Variants in PDGFRL observed in about 807,000 individuals in gnomAD.
PDGFRL encodes the protein platelet derived growth factor receptor like.
A neutral mutation model predicts 37.2 loss-of-function variants in PDGFRL; 46 were observed. The ratio of observed to expected loss-of-function variants is 1.24; its 90% CI spans 0.98 to 1.58. The LOEUF is 1.58. PDGFRL is among the 40% of genes most tolerant of loss of function. The probability of loss-of-function intolerance (pLI) is 0.00; values close to 1 mark genes in which losing one functional copy is unlikely to be tolerated. For synonymous variants in PDGFRL, 251 were observed against 184.3 expected (o/e 1.36, Z -2.93); for missense variants, 692 against 467.6 (o/e 1.48, Z -4.43).
At chr8:17,627,647 T>A (rs1420266304) in intron 3 of PDGFRL, among the ~76,000 whole-genome samples, 1 of 144,860 alleles carries the variant, frequency 6.9e-6, no homozygotes, top group East Asian at 2.0e-4. Flanking sequence ...TTTTTTTTTT[T>A]TTATTTTTAG....
At position 17,578,762 on chromosome 8, in the gene PDGFRL, G is replaced by T. The variant is rs369730560; in HGVS notation, c.55+1455G>T. Among the ~76,000 whole-genome samples the T allele has an allele frequency of 1.8e-3, 280 of 152,228 alleles. 1 individual carries two copies. Among genetic ancestry groups the T allele is most frequent in the African/African-American group, 6.1e-3 (252 of 41,542 alleles). ...CCATGTGAGTTTATTACAAACATCTGACTAAATTTACCCTTTCTTTAAGTG... is the reference window on the plus strand; with the variant it reads ...CCATGTGAGTTTATTACAAACATCTTACTAAATTTACCCTTTCTTTAAGTG... On this transcript the variant is annotated intron_variant, in intron 1 of 5. Coordinates refer to ENST00000251630, the MANE Select transcript of PDGFRL (RefSeq NM_001372073.1).
chr8:17,596,827 G>A (rs1434518955), intron 2 of PDGFRL, among the ~76,000 whole-genome samples: 1 of 152,206 alleles, frequency 6.6e-6, no homozygotes, highest in Non-Finnish European at 1.5e-5. Flanking sequence ...CCTCAAGGGG[G>A]CACGATGTAT....
chr8:17,591,925 C>G (rs1444046920), intron 2 of PDGFRL, among the ~76,000 whole-genome samples: 2 of 152,086 alleles, frequency 1.3e-5, no homozygotes, highest in Admixed American at 1.3e-4. Flanking sequence ...AAAAAAGAAA[C>G]AAAGAAAGAA....
chr8:17,578,205 C>T (rs996366311), intron 1 of PDGFRL, among the ~76,000 whole-genome samples: 1 of 152,154 alleles, frequency 6.6e-6, no homozygotes, highest in Non-Finnish European at 1.5e-5. Context: ...TCTTGAAATT[C>T]CTGGGCTACA....
intron 2 of PDGFRL, among the ~76,000 whole-genome samples, chr8:17,597,263 C>T (rs188781670): frequency 1.6e-4 from 24 of 152,318 alleles, no homozygotes; most frequent in Non-Finnish European, 2.6e-4. Context: ...TCAAGTGATC[C>T]GTCCACCTTG....
rs137874853 is a variant in PDGFRL at position 17,594,327 on chromosome 8, G to A, written c.353+4562G>A. Among the ~76,000 whole-genome samples the A allele has an allele frequency of 5.3e-3, 810 of 151,424 alleles. 6 individuals carry two copies. Among genetic ancestry groups the A allele is most frequent in the African/African-American group, 0.018 (725 of 41,202 alleles). Reference sequence around the variant, plus strand: ...GGGATCTCGGCTCAGTACAGCTTCCGCCTCCCAGGTTCAAGCGATTCTCCT... The same window carrying A: ...GGGATCTCGGCTCAGTACAGCTTCCACCTCCCAGGTTCAAGCGATTCTCCT... On this transcript the variant is annotated intron_variant, in intron 2 of 5. Transcript: ENST00000251630.
chr8:17,594,433 G>T (rs1454976743), intron 2 of PDGFRL, among the ~76,000 whole-genome samples: 1 of 151,968 alleles, frequency 6.6e-6, no homozygotes, highest in Non-Finnish European at 1.5e-5. Flanking sequence ...TAGAGACAGG[G>T]TTTCACTATG....
intron 3 of PDGFRL, among the ~76,000 whole-genome samples, chr8:17,626,756 C>A (rs930013921): frequency 6.6e-6 from 1 of 152,140 alleles, no homozygotes; most frequent in Non-Finnish European, 1.5e-5. Context: ...AAGCCACCAG[C>A]ACCAACAAAA....
chr8:17,579,442 C>G (rs2150805672), intron 1 of PDGFRL, among the ~76,000 whole-genome samples: 1 of 152,078 alleles, frequency 6.6e-6, no homozygotes, highest in African/African-American at 2.4e-5. Context: ...GCCTTCAAGG[C>G]CATCCCAAAG....
At chr8:17,602,768 T>C (rs1477613368) in intron 2 of PDGFRL, among the ~76,000 whole-genome samples, 1 of 152,108 alleles carries the variant, frequency 6.6e-6, no homozygotes, top group Non-Finnish European at 1.5e-5. Flanking sequence ...AACCCTGTCA[T>C]GAGAAGGTCC....
intron 3 of PDGFRL, among the ~76,000 whole-genome samples, chr8:17,625,193 C>G (rs1804709337): frequency 8.2e-6 from 1 of 121,802 alleles, no homozygotes; most frequent in African/African-American, 3.1e-5. Context: ...CCCTCTGTTG[C>G]CAGATTGGAG....
Position 17,628,503 on chromosome 8 carries a change from T to C in PDGFRL, c.522T>C (p.Phe174=), listed in dbSNP as rs144204339. The part of the protein sequence containing the change: ...YIFFTEKGEL[F]VPSPSYFDVV... ...CCTTTGCAGAGAAAGGAGAACTCTT[T>C]GTACCTTCTCCCAGCTACTTCGATG... The change falls in exon 4 of 6, where the codon TTT becomes TTC. Residue 174 remains phenylalanine, a synonymous_variant. Coordinates refer to ENST00000251630, the MANE Select transcript of PDGFRL (RefSeq NM_001372073.1). 146 of 1,613,642 alleles carry C rather than the reference T, an allele frequency of 9.0e-5. No homozygotes were observed. In the Admixed American group the frequency reaches 1.7e-3, roughly 19 times the overall value.
chr8:17,613,440 T>C (rs1046355897), intron 2 of PDGFRL, among the ~76,000 whole-genome samples: 3 of 152,152 alleles, frequency 2.0e-5, no homozygotes, highest in Non-Finnish European at 1.5e-5. Context: ...GAAGGGGGAC[T>C]TCGCAGTATG....
chr8:17,585,173 G>A (rs2720563), intron 1 of PDGFRL, among the ~76,000 whole-genome samples: 78,534 of 151,996 alleles, frequency 0.52, 21,708 homozygotes, highest in East Asian at 0.84. Flanking sequence ...TAGAGGTCAC[G>A]TTCGTGGCCA....
intron 1 of PDGFRL, among the ~76,000 whole-genome samples, chr8:17,583,269 G>C (rs573737783): frequency 7.2e-5 from 11 of 152,134 alleles, no homozygotes; most frequent in Non-Finnish European, 1.2e-4. Context: ...GGCTCATGTG[G>C]GGATCCCAGA....
chr8:17,620,672 T>G (rs1804611816), intron 2 of PDGFRL, among the ~76,000 whole-genome samples: 1 of 152,218 alleles, frequency 6.6e-6, no homozygotes, highest in African/African-American at 2.4e-5. Flanking sequence ...GCATAAAATA[T>G]GAAAACAGTA....
intron 5 of PDGFRL, among the ~76,000 whole-genome samples, chr8:17,642,204 A>C (rs1403246526): frequency 6.6e-6 from 1 of 152,168 alleles, no homozygotes; most frequent in Non-Finnish European, 1.5e-5. Flanking sequence ...TTTTCAGGCT[A>C]CTGACTTTCA....
At chr8:17,585,685 G>T (rs1803800099) in intron 1 of PDGFRL, among the ~76,000 whole-genome samples, 1 of 152,150 alleles carries the variant, frequency 6.6e-6, no homozygotes, top group African/African-American at 2.4e-5. Flanking sequence ...TCAGGGAGGA[G>T]AAAACCCAAC....
chr8:17,631,085 C>T (rs963362336), intron 4 of PDGFRL, among the ~76,000 whole-genome samples: 5 of 152,064 alleles, frequency 3.3e-5, no homozygotes, highest in South Asian at 4.2e-4. Context: ...AGCTCTTTTG[C>T]CCCGGGCTGA....
Sources: allele counts gnomAD v4.1 joint callset (sites outside exome capture counted in the v4.1 genomes callset), GRCh38; gene constraint gnomAD v4.1.1; transcripts MANE v1.5; gene names NCBI Gene and HGNC (gene_info 2026-07-23, HGNC 2026-07-21).